Variants in SNTG1 observed in about 807,000 individuals in gnomAD.
The protein encoded by SNTG1 is gamma-1-syntrophin.
Under a neutral mutation model 74.7 loss-of-function variants are expected in SNTG1, and 39 were observed. That is an observed-to-expected ratio of 0.52 (90% CI 0.40 to 0.68). SNTG1 has a LOEUF of 0.68. SNTG1 is among the 30% of genes least tolerant of loss of function. SNTG1 has a pLI of 0.00. For missense variants in SNTG1, 685 were observed against 609.5 expected (o/e 1.12, Z -1.30); for synonymous variants, 254 against 217.1 (o/e 1.17, Z -1.49).
At chr8:50,536,467 C>A (rs1055864858) in intron 10 of SNTG1, among the ~76,000 whole-genome samples, 1 of 152,150 alleles carries the variant, frequency 6.6e-6, no homozygotes. Context: ...CTCAATGATT[C>A]CTTTCTTAAC....
intron 1 of SNTG1, among the ~76,000 whole-genome samples, chr8:49,936,483 G>C (rs912404261): frequency 1.3e-5 from 2 of 152,076 alleles, no homozygotes; most frequent in African/African-American, 4.8e-5. Flanking sequence ...TGTCAAATTG[G>C]TTCAAATAAA....
chr8:50,598,337 T>C lies in SNTG1; in HGVS notation c.849+7420T>C, dbSNP rs75059418. On this transcript the variant is annotated intron_variant, in intron 13 of 18. Transcript: ENST00000642720. ...ACATGCAGTTTTCCCAACATTGTTATTGAAAAAACTGTTCTTTCCCTAATA... is the reference window on the plus strand; with the variant it reads ...ACATGCAGTTTTCCCAACATTGTTACTGAAAAAACTGTTCTTTCCCTAATA... Among the ~76,000 whole-genome samples, 1,079 of 152,070 alleles carry C rather than the reference T, an allele frequency of 7.1e-3. 17 individuals carry two copies. Among genetic ancestry groups the C allele is most frequent in the African/African-American group, 0.025 (1,029 of 41,558 alleles).
intron 2 of SNTG1, among the ~76,000 whole-genome samples, chr8:50,370,165 T>C (rs921739808): frequency 6.6e-6 from 1 of 152,162 alleles, no homozygotes; most frequent in African/African-American, 2.4e-5. Flanking sequence ...AAGGATGAGT[T>C]CAGGAATTCA....
intron 1 of SNTG1, among the ~76,000 whole-genome samples, chr8:50,102,127 TCGC>T: frequency 6.6e-6 from 1 of 150,850 alleles, no homozygotes; most frequent in South Asian, 2.1e-4. Flanking sequence ...CCCTGAGGAA[TCGC>T]CACACTGACT....
intron 2 of SNTG1, among the ~76,000 whole-genome samples, chr8:50,379,416 TG>T (rs912477294): frequency 1.3e-5 from 2 of 151,924 alleles, no homozygotes; most frequent in Admixed American, 6.6e-5. Flanking sequence ...GTTGTGCCGA[TG>T]GGGGGTCAGG....
At chr8:50,451,228 AC>A (rs1343215882) in intron 8 of SNTG1, among the ~76,000 whole-genome samples, 3 of 152,234 alleles carry the variant, frequency 2.0e-5, no homozygotes, top group Admixed American at 6.5e-5. Context: ...AATGACTATT[AC>A]ATAGTATTTG....
At chr8:50,544,290 T>A (rs1001210170) in intron 11 of SNTG1, among the ~76,000 whole-genome samples, 1 of 152,038 alleles carries the variant, frequency 6.6e-6, no homozygotes, top group African/African-American at 2.4e-5. Flanking sequence ...TAAGACCCCT[T>A]AATTCCTTTG....
intron 1 of SNTG1, among the ~76,000 whole-genome samples, chr8:49,977,335 CT>C (rs1315768172): frequency 1.3e-5 from 2 of 151,796 alleles, no homozygotes; most frequent in Non-Finnish European, 1.5e-5. Flanking sequence ...AGGGACTGTG[CT>C]TTTTTTCATT....
intron 2 of SNTG1, among the ~76,000 whole-genome samples, chr8:50,252,402 A>T (rs2086682017): frequency 6.6e-6 from 1 of 152,172 alleles, no homozygotes; most frequent in South Asian, 2.1e-4. Flanking sequence ...AATTCATAAG[A>T]TCAACTAAAC....
At chr8:50,153,504 T>C (rs1311871678) in intron 1 of SNTG1, among the ~76,000 whole-genome samples, 1 of 152,190 alleles carries the variant, frequency 6.6e-6, no homozygotes, top group East Asian at 1.9e-4. Context: ...TCAGCTTTTC[T>C]GCTCTGTTTT....
intron 2 of SNTG1, among the ~76,000 whole-genome samples, chr8:50,279,224 G>C (rs2088294720): frequency 1.3e-5 from 2 of 152,106 alleles, no homozygotes; most frequent in African/African-American, 4.8e-5. Flanking sequence ...AAAGCAATAA[G>C]AGTATTGGTA....
At chr8:50,189,631 C>T (rs1294451657) in intron 2 of SNTG1, among the ~76,000 whole-genome samples, 2 of 152,166 alleles carry the variant, frequency 1.3e-5, no homozygotes, top group African/African-American at 2.4e-5. Flanking sequence ...AAGTTAACAA[C>T]ATTCAAACTC....
At chr8:50,358,000 A>AT (rs1285408192) in intron 2 of SNTG1, among the ~76,000 whole-genome samples, 2 of 151,360 alleles carry the variant, frequency 1.3e-5, no homozygotes, top group Non-Finnish European at 2.9e-5. Flanking sequence ...TTTCCTTCTT[A>AT]TTTTTTAAAA....
intron 8 of SNTG1, among the ~76,000 whole-genome samples, chr8:50,460,415 T>G (rs2093549950): frequency 6.6e-6 from 1 of 152,166 alleles, no homozygotes; most frequent in Non-Finnish European, 1.5e-5. Flanking sequence ...TTGTGAATAT[T>G]TTCTCCCATT....
chr8:50,530,303 C>T (rs1307004066), intron 10 of SNTG1, 44 bp downstream of exon 10: 2 of 1,568,334 alleles, frequency 1.3e-6, no homozygotes, highest in African/African-American at 1.4e-5. Context: ...GGAGATAACA[C>T]ATAGCTTATA....
At chr8:50,713,155 C>T (rs2095466514) in intron 17 of SNTG1, among the ~76,000 whole-genome samples, 1 of 152,194 alleles carries the variant, frequency 6.6e-6, no homozygotes, top group South Asian at 2.1e-4. Flanking sequence ...ACATCCTCGC[C>T]AGCATCTGTT....
At chr8:50,108,764 C>T (rs1312131194) in intron 1 of SNTG1, among the ~76,000 whole-genome samples, 1 of 152,124 alleles carries the variant, frequency 6.6e-6, no homozygotes, top group Non-Finnish European at 1.5e-5. Context: ...TTTAGTCATA[C>T]AGTGGCCTGA....
chr8:50,713,025 AT>A (rs2095466119), intron 17 of SNTG1, among the ~76,000 whole-genome samples: 1 of 152,276 alleles, frequency 6.6e-6, no homozygotes, highest in Admixed American at 6.5e-5. Flanking sequence ...CAGTAATGGG[AT>A]TGCTGGGTCA....
chr8:50,509,537 C>T (rs1339089950), intron 9 of SNTG1, among the ~76,000 whole-genome samples: 1 of 152,110 alleles, frequency 6.6e-6, no homozygotes, highest in South Asian at 2.1e-4. Flanking sequence ...ATTGATTCTT[C>T]CTACCCATGA....
Sources: gnomAD v4.1 joint callset for allele counts (sites outside exome capture counted in the v4.1 genomes callset) on GRCh38, gnomAD v4.1.1 for gene constraint, MANE v1.5 for transcripts, NCBI Gene and HGNC (gene_info 2026-07-23, HGNC 2026-07-21) for gene names.